The following ZNF445 variants were observed in gnomAD, a reference collection of about 807,000 sequenced individuals.
The protein encoded by ZNF445 is zinc finger protein 445, also known as zinc finger protein 168.
ZNF445 carries 19 observed loss-of-function variants against 93.9 expected under a neutral mutation model. That is an observed-to-expected ratio of 0.20 (90% CI 0.14 to 0.30). The LOEUF is 0.30. Ranked by LOEUF, ZNF445 falls within the 10% of genes least tolerant of loss-of-function variation. ZNF445 has a pLI of 1.00. For missense variants in ZNF445, 1,058 were observed against 1,259.4 expected (o/e 0.84, Z 2.42); for synonymous variants, 449 against 446.3 (o/e 1.01, Z -0.08).
At chr3:44,471,529 A>G (rs560222189) in intron 1 of ZNF445, among the ~76,000 whole-genome samples, 1 of 152,364 alleles carries the variant, frequency 6.6e-6, no homozygotes, top group Non-Finnish European at 1.5e-5. Flanking sequence ...AAGCAAATGT[A>G]AAAGGAGTGA....
rs1407223909 is a variant in ZNF445 at position 44,444,521 on chromosome 3, G to A, written c.*2054C>T. 2 of 152,262 alleles carry A rather than the reference G, an allele frequency of 1.3e-5. No homozygotes were observed. Among genetic ancestry groups the A allele is most frequent in the Non-Finnish European group, 2.9e-5 (2 of 68,104 alleles). The allele number at this position is 152,262 out of a possible 1,614,324, so 9.4% of individuals were successfully genotyped here. On this transcript the variant is annotated 3_prime_UTR_variant, in exon 8 of 8. Coordinates refer to ENST00000396077, the MANE Select transcript of ZNF445 (RefSeq NM_181489.6). Reference sequence around the variant, plus strand: ...CTGATGACTCCAAGACCCTTCCTATGACTCTGGCCCCCCTGCCCAGCCACT... The same window carrying A: ...CTGATGACTCCAAGACCCTTCCTATAACTCTGGCCCCCCTGCCCAGCCACT...
chr3:44,477,050 T>G (rs1698370467), intron 1 of ZNF445, among the ~76,000 whole-genome samples: 1 of 152,234 alleles, frequency 6.6e-6, no homozygotes, highest in Admixed American at 6.5e-5. Context: ...AATTACACAC[T>G]TCCAAATGGT....
chr3:44,463,869 T>C (rs760631707), intron 1 of ZNF445, among the ~76,000 whole-genome samples: 18 of 152,114 alleles, frequency 1.2e-4, no homozygotes, highest in Non-Finnish European at 2.4e-4. Flanking sequence ...AGCTCATGCC[T>C]GTAAGCCCAG....
rs1214206422 is a variant in ZNF445 at position 44,432,609 on chromosome 3, G to A, written c.*13966C>T. ...ATTGGATGAAGCCCACCCACAGATA[G>A]AGGGCAATCTGCTTTCCTCAAAGTC... On this transcript the variant is annotated 3_prime_UTR_variant, in exon 8 of 8. Coordinates refer to ENST00000396077, the MANE Select transcript of ZNF445 (RefSeq NM_181489.6). 2 of 152,220 alleles carry A rather than the reference G, an allele frequency of 1.3e-5. No individual in the cohort carries two copies. Among genetic ancestry groups the A allele is most frequent in the Non-Finnish European group, 2.9e-5 (2 of 68,066 alleles). 9.4% of individuals were successfully genotyped at this position (152,220 alleles called of 1,614,324 possible).
Position 44,443,814 on chromosome 3 carries a change from A to C in ZNF445, c.*2761T>G, listed in dbSNP as rs1697842614. On this transcript the variant is annotated 3_prime_UTR_variant, in exon 8 of 8. Transcript: ENST00000396077. The stretch of plus-strand genomic sequence containing the variant: ...TCTTTGCACATTTTAAAATTTGATT[A>C]GAATGTTTAGAAATAAGCACATTTC... 6.6e-6 allele frequency: 1 copy of C among 151,920 alleles called. No homozygotes were observed. Among genetic ancestry groups the C allele is most frequent in the South Asian group, 2.1e-4 (1 of 4,808 alleles). 9.4% of individuals were successfully genotyped at this position (151,920 alleles called of 1,614,324 possible).
At chr3:44,451,589 T>A in intron 3 of ZNF445, 107 bp from the exon 4 acceptor site, 1 of 1,249,558 alleles carries the variant, frequency 8.0e-7, no homozygotes. Flanking sequence ...GAGGGATAGG[T>A]AAGCCAGGTC....
chr3:44,462,299 T>C (rs76983141), intron 1 of ZNF445, among the ~76,000 whole-genome samples: 2,645 of 152,316 alleles, frequency 0.017, 36 homozygotes, highest in Middle Eastern at 0.031. Flanking sequence ...AGCTTAACCT[T>C]GTGACAATGT....
At chr3:44,471,080 T>C (rs1222127368) in intron 1 of ZNF445, among the ~76,000 whole-genome samples, 1 of 151,702 alleles carries the variant, frequency 6.6e-6, no homozygotes, top group African/African-American at 2.4e-5. Context: ...AAAATAAAAG[T>C]TGAAGAAAAA....
At chr3:44,463,799 T>C (rs1223695735) in intron 1 of ZNF445, among the ~76,000 whole-genome samples, 1 of 151,652 alleles carries the variant, frequency 6.6e-6, no homozygotes. Flanking sequence ...GATAATTGGG[T>C]TTGGGTTGCC....
intron 1 of ZNF445, among the ~76,000 whole-genome samples, chr3:44,472,705 C>A (rs530252486): frequency 2.0e-5 from 3 of 152,322 alleles, no homozygotes; most frequent in African/African-American, 7.2e-5. Context: ...CATACAGCTA[C>A]CTCAGCAGAC....
At position 44,448,194 on chromosome 3, in the gene ZNF445, T is replaced by C; in HGVS notation, c.1477A>G (p.Thr493Ala). The C allele has an allele frequency of 6.2e-7, 1 of 1,614,186 alleles. No individual in the cohort carries two copies. The highest frequency in any genetic ancestry group is 8.5e-7 in the Non-Finnish European group (1 of 1,180,032). Residue 493 changes from threonine to alanine, a missense_variant, in exon 8 of 8, where the codon ACT (threonine) becomes GCT (alanine). Coordinates refer to ENST00000396077, the MANE Select transcript of ZNF445 (RefSeq NM_181489.6). ...VSFKCSDCGRTFSHSSHLAYH... is the reference protein window; with the variant it reads ...VSFKCSDCGRAFSHSSHLAYH... Reference sequence around the variant, plus strand: ...GCAAGATGGGAGCTATGACTGAAAGTCCTTCCACAGTCACTGCACTTAAAT... The same window carrying C: ...GCAAGATGGGAGCTATGACTGAAAGCCCTTCCACAGTCACTGCACTTAAAT...
At chr3:44,463,205 T>C (rs1027696651) in intron 1 of ZNF445, among the ~76,000 whole-genome samples, 4 of 151,978 alleles carry the variant, frequency 2.6e-5, no homozygotes, top group African/African-American at 9.7e-5. Flanking sequence ...CCCAGCTAAT[T>C]TTTGTATTTT....
chr3:44,447,343 G>T lies in ZNF445; in HGVS notation c.2328C>A (p.Phe776Leu), dbSNP rs564187741. 2 of 1,614,174 alleles carry T rather than the reference G, an allele frequency of 1.2e-6. No individual in the cohort carries two copies. Among genetic ancestry groups the T allele is most frequent in the Non-Finnish European group, 1.7e-6 (2 of 1,180,028 alleles). The change falls in exon 8 of 8, where the codon TTC becomes TTA. Residue 776 changes from phenylalanine to leucine, a missense_variant. Phe to Leu is a conservative substitution (Grantham distance 22). This residue lies in a region of ZNF445 where 387 missense variants were observed against 475.7 expected (regional missense o/e 0.81). Transcript: ENST00000396077. The surrounding 1 kb of genome is among the most constrained non-coding windows in gnomAD (Gnocchi z 4.7). ...QCGKAFRNHSFLLIHQRVHTG... is the reference protein window; with the variant it reads ...QCGKAFRNHSLLLIHQRVHTG... ...TGTGAACTCTCTGATGGATGAGGAG[G>T]AATGAGTGATTGCGGAAGGCCTTGC...
Position 44,444,729 on chromosome 3 carries a change from A to G in ZNF445, c.*1846T>C, listed in dbSNP as rs1369390569. ...CCCCACCATCCTGTGACACCACCAC[A>G]CAATATCAGAGCCTTCATTTTCACC... On this transcript the variant is annotated 3_prime_UTR_variant, in exon 8 of 8. Coordinates refer to ENST00000396077, the MANE Select transcript of ZNF445 (RefSeq NM_181489.6). 1 of 152,158 alleles carries G rather than the reference A, an allele frequency of 6.6e-6. No individual in the cohort carries two copies. 9.4% of individuals were successfully genotyped at this position (152,158 alleles called of 1,614,324 possible). A position where few individuals can be genotyped will look rare whatever the true frequency, so the allele number is the denominator to read the frequency against.
At chr3:44,470,499 A>G (rs1698253525) in intron 1 of ZNF445, among the ~76,000 whole-genome samples, 1 of 152,208 alleles carries the variant, frequency 6.6e-6, no homozygotes, top group Non-Finnish European at 1.5e-5. Flanking sequence ...AAGCAACTTT[A>G]TATTTTTTTT....
chr3:44,461,623 T>G (rs1252759690), intron 1 of ZNF445, among the ~76,000 whole-genome samples: 1 of 152,184 alleles, frequency 6.6e-6, no homozygotes, highest in African/African-American at 2.4e-5. Context: ...TTAACATTCA[T>G]AGGTTGTCCT....
chr3:44,448,442 T>C lies in ZNF445; in HGVS notation c.1229A>G (p.Lys410Arg). Residue 410 changes from lysine (K) to arginine (R), a missense_variant, in exon 8 of 8, where the codon AAG (lysine) becomes AGG (arginine). By Grantham distance (26) the Lys-to-Arg change is conservative. Coordinates refer to ENST00000396077, the MANE Select transcript of ZNF445 (RefSeq NM_181489.6). ...HVTYLRVSGR[K>R]ESLKHGCGKH... is the part of the protein sequence containing the mutation. ...GCCACAGCCATGTTTAAGGGATTCCTTTCTTCCAGAAACTCTCAAATATGT... is the reference window on the plus strand; with the variant it reads ...GCCACAGCCATGTTTAAGGGATTCCCTTCTTCCAGAAACTCTCAAATATGT... 1 of 1,613,990 alleles carries C rather than the reference T, an allele frequency of 6.2e-7. No homozygotes were observed. Among genetic ancestry groups the C allele is most frequent in the Non-Finnish European group, 8.5e-7 (1 of 1,180,006 alleles).
At position 44,477,649 on chromosome 3, in the gene ZNF445, G is replaced by A. The variant is rs984995223; in HGVS notation, c.-327C>T. The A allele has an allele frequency of 1.4e-4, 22 of 152,374 alleles. No homozygotes were observed. The highest frequency in any genetic ancestry group is 4.6e-4 in the African/African-American group (19 of 41,362). The allele number at this position is 152,374 out of a possible 1,614,324, so 9.4% of individuals were successfully genotyped here. ...CGCCGCCACCGCAGCCGCCCGTCCC[G>A]CGCCTACCTCCCGGCGGCTCCAGTC... On this transcript the variant is annotated 5_prime_UTR_variant, in exon 1 of 8. Transcript: ENST00000396077.
intron 4 of ZNF445, 48 bp downstream of exon 4, chr3:44,451,266 C>CA (rs1559393696): frequency 6.3e-7 from 1 of 1,593,892 alleles, no homozygotes; most frequent in East Asian, 2.2e-5. Flanking sequence ...ACAGGAAATG[C>CA]AAGAAGTGTG....
Sources: gnomAD v4.1 joint callset for allele counts (sites outside exome capture counted in the v4.1 genomes callset) on GRCh38, gnomAD v4.1.1 for gene constraint, gnomAD v4.1.1 regional missense constraint, Gnocchi (gnomAD v3.1) non-coding constraint, MANE v1.5 for transcripts, NCBI Gene and HGNC (gene_info 2026-07-23, HGNC 2026-07-21) for gene names.